XKR6: variants seen among roughly 807,000 people sequenced by gnomAD.
The protein encoded by XKR6 is XK-related protein 6.
XKR6 carries 22 observed loss-of-function variants against 56.7 expected under a neutral mutation model. That is an observed-to-expected ratio of 0.39 (90% CI 0.28 to 0.55). The LOEUF is 0.55. XKR6 is among the 20% of genes least tolerant of loss of function. The pLI, the probability that XKR6 is intolerant of heterozygous loss-of-function variation, is 0.66. For missense variants in XKR6, 852 were observed against 889.0 expected, an observed-to-expected ratio of 0.96 and a Z score of 0.53; for synonymous variants, 524 against 387.8, an observed-to-expected ratio of 1.35 and a Z score of -4.13.
intron 1 of XKR6, among the ~76,000 whole-genome samples, chr8:10,950,429 C>T (rs530598038): frequency 3.1e-4 from 47 of 152,316 alleles, no homozygotes; most frequent in African/African-American, 1.0e-3. Context: ...GCAGAGATCA[C>T]GGGTCCAGGC....
At chr8:10,938,493 C>A (rs1428758127) in intron 1 of XKR6, among the ~76,000 whole-genome samples, 2 of 152,208 alleles carry the variant, frequency 1.3e-5, no homozygotes, top group African/African-American at 4.8e-5. Context: ...TTATGGTAAT[C>A]CATACTGTGG....
intron 1 of XKR6, among the ~76,000 whole-genome samples, chr8:11,058,674 C>G (rs1017086189): frequency 1.3e-5 from 2 of 152,122 alleles, no homozygotes; most frequent in African/African-American, 4.8e-5. Context: ...ACATCACACA[C>G]CGGAGCCTGT....
chr8:10,964,599 T>C (rs1168503376), intron 1 of XKR6, among the ~76,000 whole-genome samples: 3 of 152,018 alleles, frequency 2.0e-5, no homozygotes, highest in Non-Finnish European at 4.4e-5. Flanking sequence ...GTCTTGAAAA[T>C]AAAAATGAAG....
At chr8:11,165,081 G>A (rs1019063604) in intron 1 of XKR6, among the ~76,000 whole-genome samples, 5 of 146,000 alleles carry the variant, frequency 3.4e-5, no homozygotes, top group Non-Finnish European at 6.0e-5. Flanking sequence ...CCATTCCCTA[G>A]GCTATCACCT....
intron 1 of XKR6, among the ~76,000 whole-genome samples, chr8:10,976,070 G>T (rs1802548195): frequency 1.3e-5 from 2 of 152,136 alleles, no homozygotes; most frequent in Admixed American, 1.3e-4. Flanking sequence ...CAGCTACTTG[G>T]GAGGCTGAGG....
At chr8:11,019,249 C>A (rs4538833) in intron 1 of XKR6, among the ~76,000 whole-genome samples, 55,792 of 152,118 alleles carry the variant, frequency 0.37, 11,058 homozygotes, top group East Asian at 0.75. Context: ...GGCACTGACC[C>A]ACCCTCCCTC....
intron 1 of XKR6, among the ~76,000 whole-genome samples, chr8:11,184,388 TACACAC>T (rs6150466): frequency 0.065 from 9,447 of 146,178 alleles, 696 homozygotes; most frequent in African/African-American, 0.19. Flanking sequence ...TATACACACA[TACACAC>T]ACACACACAC....
intron 1 of XKR6, among the ~76,000 whole-genome samples, chr8:11,165,806 C>T (rs1019926760): frequency 1.3e-5 from 2 of 152,070 alleles, no homozygotes; most frequent in African/African-American, 2.4e-5. Flanking sequence ...TTCTAGCTCA[C>T]GTACAATGGT....
intron 1 of XKR6, among the ~76,000 whole-genome samples, chr8:11,088,439 T>C (rs986799651): frequency 6.6e-6 from 1 of 152,222 alleles, no homozygotes; most frequent in Non-Finnish European, 1.5e-5. Flanking sequence ...TACTCATTTT[T>C]TGTGGCCCTG....
At chr8:10,912,898 A>G (rs925967237) in intron 2 of XKR6, among the ~76,000 whole-genome samples, 48 of 151,198 alleles carry the variant, frequency 3.2e-4, no homozygotes, top group African/African-American at 1.1e-3. Flanking sequence ...GTGTTTATAT[A>G]TAAAGAGAGG....
chr8:11,186,307 G>A (rs1056798349), intron 1 of XKR6, among the ~76,000 whole-genome samples: 4 of 152,154 alleles, frequency 2.6e-5, no homozygotes, highest in African/African-American at 9.7e-5. Flanking sequence ...AGCCACCCTT[G>A]ATCTAGGTAT....
At chr8:10,955,111 C>T (rs984089815) in intron 1 of XKR6, among the ~76,000 whole-genome samples, 1 of 151,874 alleles carries the variant, frequency 6.6e-6, no homozygotes, top group African/African-American at 2.4e-5. Context: ...TCAAGTGATC[C>T]GTCAGCCTTG....
At chr8:11,122,177 C>T (rs1694400156) in intron 1 of XKR6, among the ~76,000 whole-genome samples, 1 of 152,240 alleles carries the variant, frequency 6.6e-6, no homozygotes, top group African/African-American at 2.4e-5. Context: ...AAGCCCAGCT[C>T]CTTTGAAAAT....
intron 1 of XKR6, among the ~76,000 whole-genome samples, chr8:11,103,073 TG>T (rs1798544692): frequency 1.3e-5 from 2 of 152,240 alleles, no homozygotes; most frequent in African/African-American, 2.4e-5. Context: ...ATAACACTAG[TG>T]TAAGATGGAG....
chr8:10,995,398 G>GAT (rs756998142), intron 1 of XKR6, among the ~76,000 whole-genome samples: 2 of 145,364 alleles, frequency 1.4e-5, no homozygotes, highest in East Asian at 4.0e-4. Flanking sequence ...ATATATAGTA[G>GAT]ATATATATAT....
intron 1 of XKR6, among the ~76,000 whole-genome samples, chr8:11,052,150 T>C (rs1043574975): frequency 1.3e-4 from 19 of 150,006 alleles, no homozygotes; most frequent in African/African-American, 4.6e-4. Context: ...CTCCTTCCAC[T>C]CTCCAAGCAG....
At chr8:10,986,751 T>C (rs1797872524) in intron 1 of XKR6, among the ~76,000 whole-genome samples, 1 of 152,120 alleles carries the variant, frequency 6.6e-6, no homozygotes, top group Non-Finnish European at 1.5e-5. Flanking sequence ...AGTAAGAATA[T>C]TAAGATCTTT....
chr8:11,167,869 A>G (rs1263113225), intron 1 of XKR6, among the ~76,000 whole-genome samples: 4 of 147,900 alleles, frequency 2.7e-5, no homozygotes, highest in South Asian at 2.2e-4. Flanking sequence ...AGCCTGGGTG[A>G]CAGAGTAAGA....
At position 11,019,313 on chromosome 8, in the gene XKR6, G is replaced by C. The variant is rs112111551; in HGVS notation, c.765-94483C>G. 1.3e-4 allele frequency among the ~76,000 whole-genome samples: 19 copies of C among 151,236 alleles called. 1 individual carries two copies. The highest frequency in any genetic ancestry group is 6.3e-4 in the South Asian group (3 of 4,786). ...CACCAAAGATGAGTGAGGAGACTGTGAATGGGCAGACACTTCACATTCACC... is the reference window on the plus strand; with the variant it reads ...CACCAAAGATGAGTGAGGAGACTGTCAATGGGCAGACACTTCACATTCACC... On this transcript the variant is annotated intron_variant, in intron 1 of 2. Transcript: ENST00000416569.
Sources: gnomAD v4.1 joint callset for allele counts (sites outside exome capture counted in the v4.1 genomes callset) on GRCh38, gnomAD v4.1.1 for gene constraint, MANE v1.5 for transcripts, NCBI Gene and HGNC (gene_info 2026-07-23, HGNC 2026-07-21) for gene names.